Variants in LRP1B observed in about 807,000 individuals in gnomAD.
The protein encoded by LRP1B is low-density lipoprotein receptor-related protein 1B.
In LRP1B, 217 loss-of-function variants were observed where a neutral mutation model predicts 556.6. The observed-to-expected ratio is 0.39, with a 90% confidence interval of 0.35 to 0.44. The LOEUF is 0.44. Ranked by LOEUF, LRP1B falls within the 20% of genes least tolerant of loss-of-function variation. The pLI is 1.00. For synonymous variants in LRP1B, 2,047 were observed against 1,865.8 expected, an observed-to-expected ratio of 1.10 and a Z score of -2.50; for missense variants, 5,053 against 5,620.8, an observed-to-expected ratio of 0.90 and a Z score of 3.23.
At chr2:141,237,359 T>G (rs1256376481) in intron 5 of LRP1B, among the ~76,000 whole-genome samples, 92 of 151,292 alleles carry the variant, frequency 6.1e-4, no homozygotes, top group African/African-American at 2.1e-3. Context: ...TAGTGTTTTT[T>G]TTTTTTTTTT....
chr2:140,908,987 T>C (rs2380944), intron 21 of LRP1B, among the ~76,000 whole-genome samples: 147,077 of 152,156 alleles, frequency 0.97, 71,285 homozygotes, highest in East Asian at 1. Flanking sequence ...TTAGTAGAGA[T>C]GGGGTTTCAC....
At chr2:140,716,598 A>T (rs2105463483) in intron 36 of LRP1B, 84 bp downstream of exon 36, 1 of 1,357,414 alleles carries the variant, frequency 7.4e-7, no homozygotes, top group Admixed American at 2.3e-5. Context: ...CACTGTTATG[A>T]GTTAGAAAAG....
chr2:141,785,113 C>A (rs6706864), intron 2 of LRP1B, among the ~76,000 whole-genome samples: 9,207 of 151,934 alleles, frequency 0.061, 966 homozygotes, highest in African/African-American at 0.21. Context: ...TCAGCAGAGA[C>A]ACATGACTAG....
intron 1 of LRP1B, among the ~76,000 whole-genome samples, chr2:142,031,383 T>C (rs1703702636): frequency 8.0e-6 from 1 of 125,394 alleles, no homozygotes; most frequent in Non-Finnish European, 1.7e-5. Context: ...ATGTGCACAT[T>C]GTGCAGGTTA....
At position 140,382,986 on chromosome 2, in the gene LRP1B, C is replaced by T. The variant is rs180874218; in HGVS notation, c.10531+2907G>A. On this transcript the variant is annotated intron_variant, in intron 67 of 90. Coordinates refer to ENST00000389484, the MANE Select transcript of LRP1B (RefSeq NM_018557.3). ...ACATGCTGTATAGGTTTTTAGCCTA[C>T]GAGCAATTAGCTGAACCATATAGTT... Among the ~76,000 whole-genome samples the T allele has an allele frequency of 4.4e-4, 67 of 152,276 alleles. No homozygotes were observed. In the East Asian group the frequency reaches 0.011, roughly 25 times the overall value.
chr2:141,751,660 A>T (rs1234687107), intron 2 of LRP1B, among the ~76,000 whole-genome samples: 1 of 151,970 alleles, frequency 6.6e-6, no homozygotes, highest in Non-Finnish European at 1.5e-5. Flanking sequence ...TTCATGGTCA[A>T]TTACTCCTGA....
At chr2:140,565,130 C>T (rs1435968191) in intron 43 of LRP1B, among the ~76,000 whole-genome samples, 1 of 138,256 alleles carries the variant, frequency 7.2e-6, no homozygotes, top group African/African-American at 2.6e-5. Flanking sequence ...GGCAAACATA[C>T]TCCATATTCC....
chr2:141,674,569 T>G (rs2105418622), intron 2 of LRP1B, among the ~76,000 whole-genome samples: 1 of 152,208 alleles, frequency 6.6e-6, no homozygotes, highest in African/African-American at 2.4e-5. Flanking sequence ...ATAATCATAC[T>G]ATTTAATGTT....
At chr2:141,732,626 AAC>A (rs530956299) in intron 2 of LRP1B, among the ~76,000 whole-genome samples, 3 of 152,132 alleles carry the variant, frequency 2.0e-5, no homozygotes, top group African/African-American at 7.2e-5. Flanking sequence ...ATCAGTAAGA[AAC>A]ACACACACAG....
intron 41 of LRP1B, among the ~76,000 whole-genome samples, chr2:140,628,269 G>C (rs761670428): frequency 1.8e-4 from 27 of 152,168 alleles, no homozygotes; most frequent in Middle Eastern, 3.4e-3. Context: ...AGTGGCTCAC[G>C]ACTGTAATCC....
chr2:140,955,687 T>C (rs1324881271), intron 18 of LRP1B, among the ~76,000 whole-genome samples: 1 of 151,762 alleles, frequency 6.6e-6, no homozygotes, highest in Non-Finnish European at 1.5e-5. Context: ...AAATTTATTG[T>C]CAGGTTATAG....
intron 1 of LRP1B, among the ~76,000 whole-genome samples, chr2:141,870,954 T>TTAG (rs969436108): frequency 2.6e-5 from 4 of 151,986 alleles, no homozygotes; most frequent in Non-Finnish European, 5.9e-5. Context: ...CCCCTGGACC[T>TTAG]TAGCAGCCTT....
intron 35 of LRP1B, among the ~76,000 whole-genome samples, chr2:140,751,117 C>T (rs416549): frequency 1.4e-5 from 2 of 147,666 alleles, no homozygotes; most frequent in South Asian, 2.2e-4. Context: ...CTCAGCCTCC[C>T]GAGTAGCTGG....
intron 72 of LRP1B, among the ~76,000 whole-genome samples, chr2:140,364,423 C>T (rs1682656873): frequency 6.6e-6 from 1 of 151,644 alleles, no homozygotes; most frequent in Non-Finnish European, 1.5e-5. Context: ...CATAATCTCT[C>T]TTCTGAATAG....
chr2:141,304,608 C>T (rs2105436721), intron 3 of LRP1B, among the ~76,000 whole-genome samples: 1 of 150,976 alleles, frequency 6.6e-6, no homozygotes, highest in Non-Finnish European at 1.5e-5. Context: ...GCCTACTGAG[C>T]AGCTGGTATT....
chr2:141,570,851 C>T (rs1686500781), intron 2 of LRP1B, among the ~76,000 whole-genome samples: 1 of 151,134 alleles, frequency 6.6e-6, no homozygotes, highest in African/African-American at 2.4e-5. Context: ...CGGGGCTTCT[C>T]TGCAGGAACT....
intron 1 of LRP1B, among the ~76,000 whole-genome samples, chr2:142,096,385 G>C (rs1053385491): frequency 4.0e-5 from 6 of 151,084 alleles, no homozygotes; most frequent in African/African-American, 1.2e-4. Context: ...TTAATCCAGG[G>C]AGCAAGGTAA....
At position 142,130,896 on chromosome 2, in the gene LRP1B, C is replaced by G. The variant is rs1707829248; in HGVS notation, c.-167G>C. On this transcript the variant is annotated 5_prime_UTR_variant, in exon 1 of 91. Transcript: ENST00000389484. Reference sequence around the variant, plus strand: ...AATGAGTCCAGCCAGTCAGCCTTCTCCTGCCTGGAGCAGGATGTGGAAGGT... The same window carrying G: ...AATGAGTCCAGCCAGTCAGCCTTCTGCTGCCTGGAGCAGGATGTGGAAGGT... 3.0e-6 allele frequency: 2 copies of G among 674,636 alleles called. No homozygotes were observed. The highest frequency in any genetic ancestry group is 5.5e-5 in the East Asian group (2 of 36,658). The allele number at this position is 674,636 out of a possible 1,614,324, so 41.8% of individuals were successfully genotyped here. A position where few individuals can be genotyped will look rare whatever the true frequency, so the allele number is the denominator to read the frequency against.
intron 1 of LRP1B, among the ~76,000 whole-genome samples, chr2:141,929,331 G>A (rs1207869956): frequency 6.6e-6 from 1 of 151,974 alleles, no homozygotes; most frequent in East Asian, 1.9e-4. Context: ...TGTCAACAAT[G>A]CACTTCATAG....
Sources: gnomAD v4.1 joint callset for allele counts (sites outside exome capture counted in the v4.1 genomes callset) on GRCh38, gnomAD v4.1.1 for gene constraint, MANE v1.5 for transcripts, NCBI Gene and HGNC (gene_info 2026-07-23, HGNC 2026-07-21) for gene names.